Variants in SIRT7 observed in about 807,000 individuals in gnomAD.
The protein encoded by SIRT7 is sirtuin 7, also known as NAD-dependent protein deacetylase sirtuin-7.
SIRT7 carries 32 observed loss-of-function variants against 42.8 expected under a neutral mutation model. That is an observed-to-expected ratio of 0.75 (90% CI 0.56 to 1.00). The LOEUF (loss-of-function observed/expected upper bound fraction) is 1.00. SIRT7 is among the 50% of genes least tolerant of loss of function. SIRT7 has a pLI of 0.00. For synonymous variants in SIRT7, 297 were observed against 245.2 expected, an observed-to-expected ratio of 1.21 and a Z score of -1.97; for missense variants, 553 against 572.2, an observed-to-expected ratio of 0.97 and a Z score of 0.34.
At position 81,912,221 on chromosome 17, in the gene SIRT7, C is replaced by T. The variant is rs1415627790; in HGVS notation, c.*195G>A. 1.1e-5 allele frequency: 7 copies of T among 658,722 alleles called. No individual in the cohort carries two copies. The highest frequency in any genetic ancestry group is 1.8e-5 in the Non-Finnish European group (7 of 384,540). The allele number at this position is 658,722 out of a possible 1,614,324, so 40.8% of individuals were successfully genotyped here. A position where few individuals can be genotyped will look rare whatever the true frequency, so the allele number is the denominator to read the frequency against. ...ACACAGAGGCCGGATGGGCAGGTGT[C>T]CTCGATGGCCAGGCCGTATCAGGGT... On this transcript the variant is annotated 3_prime_UTR_variant, in exon 10 of 10. Transcript: ENST00000328666.
intron 3 of SIRT7, 27 bp from the exon 4 acceptor site, chr17:81,915,708 A>C (rs1312200504): frequency 4.3e-6 from 7 of 1,611,516 alleles, no homozygotes; most frequent in Non-Finnish European, 5.9e-6. Context: ...AAGGTAAGCC[A>C]AGTCAAAAGG....
chr17:81,915,918 T>C, intron 3 of SIRT7: 1 of 535,184 alleles, frequency 1.9e-6, no homozygotes, highest in Non-Finnish European at 3.4e-6. Context: ...CCTTCCAGGC[T>C]GCACGCAGCC....
intron 3 of SIRT7, 51 bp from the exon 4 acceptor site, chr17:81,915,732 A>G (rs2040784638): frequency 6.3e-7 from 1 of 1,591,754 alleles, no homozygotes; most frequent in Non-Finnish European, 8.6e-7. Flanking sequence ...CACTGTAGGT[A>G]CTGGCAGAAT....
chr17:81,917,435 T>C lies in SIRT7; in HGVS notation c.336+180A>G, dbSNP rs559577502. 230 of 523,318 alleles carry C rather than the reference T, an allele frequency of 4.4e-4. 3 individuals are homozygous for C. The South Asian group carries it at 9.1e-3, about 21-fold the overall frequency. The allele number at this position is 523,318 out of a possible 1,614,324, so 32.4% of individuals were successfully genotyped here. On this transcript the variant is annotated intron_variant, in intron 3 of 9. Coordinates refer to ENST00000328666, the MANE Select transcript of SIRT7 (RefSeq NM_016538.3). ...ACACCCCATTCGTATCTCTACTCCTTGTTTTTTTTAACTGGCTGTAACACA... is the reference window on the plus strand; with the variant it reads ...ACACCCCATTCGTATCTCTACTCCTCGTTTTTTTTAACTGGCTGTAACACA...
chr17:81,913,742 G>A lies in SIRT7; in HGVS notation c.1004+32C>T, dbSNP rs201044502. On this transcript the variant is annotated intron_variant, in intron 9 of 9. Coordinates refer to ENST00000328666, the MANE Select transcript of SIRT7 (RefSeq NM_016538.3). The surrounding 1 kb of genome is among the most constrained non-coding windows in gnomAD (Gnocchi z 5.0). Reference sequence around the variant, plus strand: ...GACAAGGCCCAGCACACAGAGGTGCGGGGAAGCAGGCTGCTGCAGCGGCTC... The same window carrying A: ...GACAAGGCCCAGCACACAGAGGTGCAGGGAAGCAGGCTGCTGCAGCGGCTC... The A allele has an allele frequency of 2.0e-5, 30 of 1,501,900 alleles. No individual in the cohort carries two copies. The highest frequency in any genetic ancestry group is 2.3e-4 in the Middle Eastern group (1 of 4,304). The allele number at this position is 1,501,900 out of a possible 1,614,324, so 93.0% of individuals were successfully genotyped here. A position where few individuals can be genotyped will look rare whatever the true frequency, so the allele number is the denominator to read the frequency against.
At position 81,912,583 on chromosome 17, in the gene SIRT7, G is replaced by T. The variant is rs770275784; in HGVS notation, c.1036C>A (p.Pro346Thr). The change falls in exon 10 of 10, where the codon CCC becomes ACC. Residue 346 changes from proline to threonine, a missense_variant. Physicochemically the swap from Pro to Thr is conservative, Grantham distance 38. Coordinates refer to ENST00000328666, the MANE Select transcript of SIRT7 (RefSeq NM_016538.3). Reference sequence around the variant, plus strand: ...CTGCCTTCTTCACCAGCACGCAGGGGAGTCGCCAGTGAGAAAATGGGATCC... The same window carrying T: ...CTGCCTTCTTCACCAGCACGCAGGGTAGTCGCCAGTGAGAAAATGGGATCC... ...WQDPIFSLAT[P>T]LRAGEEGSHS... 6.2e-7 allele frequency: 1 copy of T among 1,613,546 alleles called. No individual in the cohort carries two copies. Among genetic ancestry groups the T allele is most frequent in the Admixed American group, 1.7e-5 (1 of 60,004 alleles).
rs980185714 is a variant in SIRT7, at chr17:81,913,713, G to A, written c.1004+61C>T. The A allele has an allele frequency of 8.6e-6, 12 of 1,391,278 alleles. No individual in the cohort carries two copies. Among genetic ancestry groups the A allele is most frequent in the Non-Finnish European group, 1.2e-5 (12 of 1,004,902 alleles). 86.2% of individuals were successfully genotyped at this position (1,391,278 alleles called of 1,614,324 possible). A position where few individuals can be genotyped will look rare whatever the true frequency, so the allele number is the denominator to read the frequency against. ...CCTCCACACTCAGCTCACGAGAGAA[G>A]ACAGACAAGGCCCAGCACACAGAGG... On this transcript the variant is annotated intron_variant, in intron 9 of 9. Transcript: ENST00000328666. This position sits in a 1 kb window ranked among gnomAD's most constrained non-coding sequence, Gnocchi z 5.0.
chr17:81,912,749 G>C lies in SIRT7; in HGVS notation c.1005-135C>G, dbSNP rs1567906109. ...CCCGTGTCAACTGCGGCGGGGCTCT[G>C]GTTGGCGGCAGCTTCATTGTTACCA... On this transcript the variant is annotated intron_variant, in intron 9 of 9. Coordinates refer to ENST00000328666, the MANE Select transcript of SIRT7 (RefSeq NM_016538.3). The C allele has an allele frequency of 5.4e-6, 5 of 929,628 alleles. No homozygotes were observed. In the Admixed American group the frequency reaches 1.0e-4, roughly 19 times the overall value. The allele number at this position is 929,628 out of a possible 1,614,324, so 57.6% of individuals were successfully genotyped here.
At position 81,915,606 on chromosome 17, in the gene SIRT7, C is replaced by CT; in HGVS notation, c.407+4dup. ...TATGTGGGAGGCCATGCCTGGCCCG[C>CT]TTACCTAACGCTTCTCCCTTTCTGA... On this transcript the variant is annotated splice_donor_region_variant and intron_variant, in intron 4 of 9. Transcript: ENST00000328666. The CT allele has an allele frequency of 6.2e-7, 1 of 1,613,844 alleles. No individual in the cohort carries two copies. The highest frequency in any genetic ancestry group is 8.5e-7 in the Non-Finnish European group (1 of 1,179,950).
chr17:81,916,474 T>C (rs1458556842), intron 3 of SIRT7: 2 of 151,050 alleles, frequency 1.3e-5, no homozygotes, highest in African/African-American at 4.9e-5. Context: ...TTTTTTTTTT[T>C]TTTTTTTTGA....
rs758534175 is a variant in SIRT7, at chr17:81,912,494, C to T, written c.1125G>A (p.Pro375=). The T allele has an allele frequency of 1.9e-5, 30 of 1,613,852 alleles. No individual in the cohort carries two copies. The highest frequency in any genetic ancestry group is 3.3e-5 in the Admixed American group (2 of 60,018). ...CCCCTAGGATGGGGGCCGAGCTAAG[C>T]GGTGCACCCCGGTCCCCAGGCGGGG... is the stretch of plus-strand genomic sequence containing the variant. ...EEAPPGDRGA[P]LSSAPILGGW... Residue 375 remains proline, a synonymous_variant, in exon 10 of 10, where the codon CCG becomes CCA. Coordinates refer to ENST00000328666, the MANE Select transcript of SIRT7 (RefSeq NM_016538.3).
intron 3 of SIRT7, chr17:81,916,731 C>G (rs2040810754): frequency 1.3e-5 from 2 of 152,210 alleles, no homozygotes; most frequent in Admixed American, 1.3e-4. Context: ...TCCCAAAGTG[C>G]TAGGATTATA....
Position 81,913,579 on chromosome 17 carries a change from G to C in SIRT7, c.1004+195C>G, listed in dbSNP as rs1345828797. ...GGGATTGTGTGTGCCACATCAGCCA[G>C]GGCAGGAGTGGCACACGCAGGGTCT... On this transcript the variant is annotated intron_variant, in intron 9 of 9. Coordinates refer to ENST00000328666, the MANE Select transcript of SIRT7 (RefSeq NM_016538.3). This position sits in a 1 kb window ranked among gnomAD's most constrained non-coding sequence, Gnocchi z 5.0. 2 of 586,270 alleles carry C rather than the reference G, an allele frequency of 3.4e-6. No individual in the cohort carries two copies. Among genetic ancestry groups the C allele is most frequent in the African/African-American group, 3.7e-5 (2 of 53,594 alleles). 36.3% of individuals were successfully genotyped at this position (586,270 alleles called of 1,614,324 possible). A position where few individuals can be genotyped will look rare whatever the true frequency, so the allele number is the denominator to read the frequency against.
chr17:81,917,334 A>G, intron 3 of SIRT7: 1 of 347,248 alleles, frequency 2.9e-6, no homozygotes, highest in East Asian at 4.5e-5. Context: ...ACATGGACAG[A>G]ACAGAGTGGA....
In SIRT7 at chr17:81,912,542, C is replaced by A. The variant is rs766215616; in HGVS notation, c.1077G>T (p.Ser359=). Residue 359 remains serine (S), a synonymous_variant, in exon 10 of 10, where the codon TCG becomes TCT. Transcript: ENST00000328666. ...GGGCCTCCTCTCTGCTTCTGCACAG[C>A]GACTTCCGACTGTGGCTGCCTTCTT... ...AGEEGSHSRK[S]LCRSREEAPP... 1.9e-6 allele frequency: 3 copies of A among 1,613,700 alleles called. No homozygotes were observed. Among genetic ancestry groups the A allele is most frequent in the African/African-American group, 1.3e-5 (1 of 75,068 alleles).
At chr17:81,912,777 C>A in intron 9 of SIRT7, 163 bp from the exon 10 acceptor site, 1 of 749,204 alleles carries the variant, frequency 1.3e-6, no homozygotes, top group Non-Finnish European at 2.3e-6. Context: ...TGTTACCAAG[C>A]TGCAGAACGG....
Position 81,914,312 on chromosome 17 carries a change from A to G in SIRT7, c.798T>C (p.Cys266=). ...CACGTACCTTCAGGCTGGACCCTAG[A>G]CACAGGATGGTGTCTGCTCTGCTGG... is the stretch of plus-strand genomic sequence containing the variant. ...EAASRADTIL[C]LGSSLKVLKK... Residue 266 remains cysteine (C), a synonymous_variant, in exon 7 of 10, where the codon TGT becomes TGC. Transcript: ENST00000328666. 3.1e-6 allele frequency: 5 copies of G among 1,613,092 alleles called. No homozygotes were observed. The South Asian group carries it at 4.4e-5, about 14-fold the overall frequency.
At chr17:81,912,662 A>C in intron 9 of SIRT7, 48 bp from the exon 10 acceptor site, 2 of 1,569,630 alleles carry the variant, frequency 1.3e-6, no homozygotes, top group Non-Finnish European at 1.7e-6. Context: ...AGCCTCTCGC[A>C]GTCACACCTG....
Position 81,918,041 on chromosome 17 carries a change from G to T in SIRT7, c.91C>A (p.Gln31Lys), listed in dbSNP as rs1249447234. 7 of 1,500,902 alleles carry T rather than the reference G, an allele frequency of 4.7e-6. No homozygotes were observed. Among genetic ancestry groups the T allele is most frequent in the Non-Finnish European group, 5.3e-6 (6 of 1,132,818 alleles). The allele number at this position is 1,500,902 out of a possible 1,614,324, so 93.0% of individuals were successfully genotyped here. Reference protein sequence around the residue: ...REEQQRERLRQVSRILRKAAA... With the variant: ...REEQQRERLRKVSRILRKAAA... Reference sequence around the variant, plus strand: ...GCCGGGGAGCGGCGGCGGCGTACCTGGCGGAGGCGCTCCCTCTGCTGCTCC... The same window carrying T: ...GCCGGGGAGCGGCGGCGGCGTACCTTGCGGAGGCGCTCCCTCTGCTGCTCC... The change falls in exon 1 of 10, where the codon CAG (glutamine) becomes AAG (lysine). Residue 31 changes from glutamine (Q) to lysine (K), a missense_variant and splice_region_variant. By Grantham distance (53) the Gln-to-Lys change is moderately conservative. Transcript: ENST00000328666.
Sources: allele counts gnomAD v4.1 joint callset, GRCh38; gene constraint gnomAD v4.1.1; non-coding constraint Gnocchi (gnomAD v3.1); transcripts MANE v1.5; gene names NCBI Gene and HGNC (gene_info 2026-07-23, HGNC 2026-07-21).